ATXN1: variants seen among roughly 807,000 people sequenced by gnomAD.
The protein encoded by ATXN1 is ataxin-1.
ATXN1 carries 8 observed loss-of-function variants against 56.4 expected under a neutral mutation model. That is an observed-to-expected ratio of 0.14 (90% CI 0.08 to 0.26). The LOEUF is 0.26. Among genes scored for constraint, ATXN1 ranks in the 10% least tolerant of loss-of-function variants. The pLI, the probability that ATXN1 is intolerant of heterozygous loss-of-function variation, is 1.00. For missense variants in ATXN1, 987 were observed against 1,106.5 expected, an observed-to-expected ratio of 0.89 and a Z score of 1.53; for synonymous variants, 514 against 494.6, an observed-to-expected ratio of 1.04 and a Z score of -0.52.
chr6:16,349,196 C>T (rs1249085788), intron 6 of ATXN1, among the ~76,000 whole-genome samples: 1 of 152,172 alleles, frequency 6.6e-6, no homozygotes, highest in African/African-American at 2.4e-5. Flanking sequence ...GTCCTATTTT[C>T]ATCTGCATAA....
At chr6:16,323,837 T>G (rs1760741199) in intron 7 of ATXN1, among the ~76,000 whole-genome samples, 1 of 152,172 alleles carries the variant, frequency 6.6e-6, no homozygotes, top group African/African-American at 2.4e-5. Flanking sequence ...TTCTTTCTCC[T>G]AGTACCCACC....
chr6:16,542,055 G>A (rs576629647), intron 4 of ATXN1, among the ~76,000 whole-genome samples: 98 of 151,998 alleles, frequency 6.4e-4, no homozygotes, highest in African/African-American at 2.3e-3. Context: ...GGGGGAAAAC[G>A]CCACCACCAA....
At chr6:16,322,817 T>C (rs1449141082) in intron 7 of ATXN1, among the ~76,000 whole-genome samples, 2 of 152,076 alleles carry the variant, frequency 1.3e-5, no homozygotes, top group African/African-American at 4.8e-5. Context: ...GCTGGTGGAG[T>C]ATTTTAGCTG....
chr6:16,415,221 TTTTG>T (rs1163225735), intron 6 of ATXN1, among the ~76,000 whole-genome samples: 4 of 152,186 alleles, frequency 2.6e-5, no homozygotes, highest in African/African-American at 7.2e-5. Flanking sequence ...TAAGTGGTTT[TTTTG>T]TTTGTTTGTT....
intron 4 of ATXN1, among the ~76,000 whole-genome samples, chr6:16,578,353 G>A (rs1298736665): frequency 6.6e-6 from 1 of 152,170 alleles, no homozygotes; most frequent in African/African-American, 2.4e-5. Flanking sequence ...TGCACATATT[G>A]CTGAGTAGCT....
At chr6:16,564,143 T>C (rs1177263512) in intron 4 of ATXN1, among the ~76,000 whole-genome samples, 1 of 152,162 alleles carries the variant, frequency 6.6e-6, no homozygotes, top group Non-Finnish European at 1.5e-5. Flanking sequence ...TGAGAAACAT[T>C]GTAACACATA....
intron 4 of ATXN1, among the ~76,000 whole-genome samples, chr6:16,571,865 G>A (rs996026491): frequency 2.6e-5 from 4 of 151,978 alleles, no homozygotes; most frequent in African/African-American, 9.7e-5. Flanking sequence ...GTCTCACTAC[G>A]CTGTCCAGGC....
chr6:16,711,685 G>A (rs543661072), intron 2 of ATXN1, among the ~76,000 whole-genome samples: 5 of 151,826 alleles, frequency 3.3e-5, no homozygotes, highest in African/African-American at 9.7e-5. Context: ...GCACCATCAT[G>A]ACTCACTGCA....
chr6:16,610,692 A>G (rs1387806885), intron 3 of ATXN1, among the ~76,000 whole-genome samples: 3 of 152,136 alleles, frequency 2.0e-5, no homozygotes, highest in African/African-American at 7.2e-5. Context: ...ATTTTAAACA[A>G]TAAAGAAAAG....
intron 7 of ATXN1, among the ~76,000 whole-genome samples, chr6:16,307,797 T>G (rs1212324436): frequency 6.6e-6 from 1 of 151,556 alleles, no homozygotes. Context: ...AGCAAACAAA[T>G]AAATTTAAAA....
At chr6:16,615,225 T>C (rs1581294601) in intron 3 of ATXN1, 4 of 148,118 alleles carry the variant, frequency 2.7e-5, no homozygotes, top group South Asian at 2.2e-4. Context: ...AGAGGAGCGA[T>C]TGTGGAAATT....
intron 4 of ATXN1, among the ~76,000 whole-genome samples, chr6:16,539,055 C>T (rs1761661798): frequency 6.6e-6 from 1 of 152,204 alleles, no homozygotes; most frequent in Non-Finnish European, 1.5e-5. Flanking sequence ...CCAACCCACT[C>T]TAAGTCTGTT....
intron 2 of ATXN1, among the ~76,000 whole-genome samples, chr6:16,715,930 T>C (rs1268246178): frequency 6.6e-6 from 1 of 152,152 alleles, no homozygotes; most frequent in African/African-American, 2.4e-5. Context: ...CTGGATACCA[T>C]GCACACTCAA....
chr6:16,600,844 C>T (rs544225684), intron 3 of ATXN1, among the ~76,000 whole-genome samples: 4 of 152,286 alleles, frequency 2.6e-5, no homozygotes, highest in African/African-American at 7.2e-5. Context: ...TCATTTACCT[C>T]GCTGGGGTAA....
chr6:16,342,137 C>T (rs1333566355), intron 6 of ATXN1, among the ~76,000 whole-genome samples: 2 of 151,974 alleles, frequency 1.3e-5, no homozygotes, highest in African/African-American at 4.8e-5. Flanking sequence ...CCTACCTTGG[C>T]CTCCCAACGT....
At chr6:16,617,994 A>G (rs973235315) in intron 3 of ATXN1, among the ~76,000 whole-genome samples, 6 of 151,950 alleles carry the variant, frequency 3.9e-5, no homozygotes, top group African/African-American at 1.5e-4. Flanking sequence ...ACTACAATAA[A>G]TTGTGGGTAA....
chr6:16,648,406 G>A (rs1763838515), intron 3 of ATXN1, among the ~76,000 whole-genome samples: 1 of 152,136 alleles, frequency 6.6e-6, no homozygotes, highest in South Asian at 2.1e-4. Context: ...TAGGTACTTA[G>A]GATGCTTCTG....
intron 6 of ATXN1, among the ~76,000 whole-genome samples, chr6:16,385,659 A>C (rs1201921199): frequency 6.6e-6 from 1 of 152,244 alleles, no homozygotes; most frequent in Non-Finnish European, 1.5e-5. Context: ...TGACGCTGAA[A>C]GTTCTCTACA....
intron 4 of ATXN1, among the ~76,000 whole-genome samples, chr6:16,536,723 A>G (rs561247557): frequency 5.3e-5 from 8 of 151,502 alleles, no homozygotes; most frequent in Non-Finnish European, 1.2e-4. Context: ...TGCTACTGCA[A>G]TGTGCAATGC....
Sources: gnomAD v4.1 joint callset for allele counts (sites outside exome capture counted in the v4.1 genomes callset) on GRCh38, gnomAD v4.1.1 for gene constraint, MANE v1.5 for transcripts, NCBI Gene and HGNC (gene_info 2026-07-23, HGNC 2026-07-21) for gene names.